Variants in ANXA8 observed in about 807,000 individuals in gnomAD.
The protein encoded by ANXA8 is VAC-beta.
In ANXA8, 9 loss-of-function variants were observed where a neutral mutation model predicts 26.8. That is an observed-to-expected ratio of 0.34 (90% confidence interval 0.20 to 0.59). The LOEUF (loss-of-function observed/expected upper bound fraction) is 0.59. Among genes scored for constraint, ANXA8 ranks in the 20% least tolerant of loss-of-function variants. The probability of loss-of-function intolerance (pLI) is 0.84; values close to 1 mark genes in which losing one functional copy is unlikely to be tolerated. For missense variants in ANXA8, 83 were observed against 238.5 expected (o/e 0.35, Z 4.29); for synonymous variants, 39 against 94.8 (o/e 0.41, Z 3.42).
At chr10:47,953,409 T>C in the ANXA8 span, among the ~76,000 whole-genome samples, 1 of 150,754 alleles carries the variant, frequency 6.6e-6, no homozygotes, top group Non-Finnish European at 1.5e-5. Context: ...AACTTAAAGA[T>C]CAACAATTCT....
chr10:47,767,751 T>C, the ANXA8 span, among the ~76,000 whole-genome samples: 2 of 151,712 alleles, frequency 1.3e-5, no homozygotes, highest in African/African-American at 4.9e-5. Context: ...ACTGGAATTT[T>C]ATGGGATGTA....
chr10:47,985,803 T>C, the ANXA8 span: 431 of 150,758 alleles, frequency 2.9e-3, no homozygotes, highest in African/African-American at 0.01. Context: ...GATTTTTAAA[T>C]CACAGATTCA....
At chr10:47,566,585 C>T in the ANXA8 span, among the ~76,000 whole-genome samples, 1 of 146,726 alleles carries the variant, frequency 6.8e-6, no homozygotes, top group Non-Finnish European at 1.5e-5. Flanking sequence ...GAGGGCACCC[C>T]GCTGCCCGTT....
the ANXA8 span, among the ~76,000 whole-genome samples, chr10:47,943,318 T>G: frequency 6.9e-6 from 1 of 145,196 alleles, no homozygotes; most frequent in Non-Finnish European, 1.5e-5. Context: ...TCCTCCACAC[T>G]TGATGACCAG....
chr10:47,576,493 C>T, the ANXA8 span, among the ~76,000 whole-genome samples: 3 of 120,884 alleles, frequency 2.5e-5, no homozygotes, highest in South Asian at 2.6e-4. Flanking sequence ...CTCGCTCTGT[C>T]GTCCAGATTG....
chr10:47,674,252 T>C, the ANXA8 span, among the ~76,000 whole-genome samples: 1 of 150,456 alleles, frequency 6.6e-6, no homozygotes. Flanking sequence ...CCTCCTTAGC[T>C]TCCTGAGTAG....
the ANXA8 span, among the ~76,000 whole-genome samples, chr10:47,552,324 T>C: frequency 3.6e-3 from 538 of 149,590 alleles, no homozygotes; most frequent in African/African-American, 0.013. Context: ...AAATGAATTC[T>C]TAATTAATTT....
chr10:47,941,646 G>GA, the ANXA8 span, among the ~76,000 whole-genome samples: 8,541 of 140,390 alleles, frequency 0.061, 741 homozygotes, highest in African/African-American at 0.09. Context: ...CTCAAAAAAA[G>GA]AAAAAAAAAA....
At chr10:47,701,238 A>G in the ANXA8 span, among the ~76,000 whole-genome samples, 1 of 151,070 alleles carries the variant, frequency 6.6e-6, no homozygotes. Context: ...CGCAACTGTG[A>G]GGTAATGTGC....
the ANXA8 span, among the ~76,000 whole-genome samples, chr10:47,646,593 C>A: frequency 1.3e-5 from 2 of 150,378 alleles, no homozygotes; most frequent in Middle Eastern, 3.4e-3. Flanking sequence ...TAAAGACCAA[C>A]ATTTTTACAA....
chr10:47,560,337 G>A, the ANXA8 span, among the ~76,000 whole-genome samples: 2 of 151,852 alleles, frequency 1.3e-5, no homozygotes, highest in African/African-American at 4.8e-5. Flanking sequence ...TAAAAATAAT[G>A]TAGTGATGAC....
At chr10:47,714,481 G>C in the ANXA8 span, among the ~76,000 whole-genome samples, 2 of 87,846 alleles carry the variant, frequency 2.3e-5, no homozygotes, top group Non-Finnish European at 4.2e-5. Context: ...TTTTATTATA[G>C]TTTTGAAGTT....
chr10:47,776,552 G>A, the ANXA8 span, among the ~76,000 whole-genome samples: 60 of 152,028 alleles, frequency 3.9e-4, no homozygotes, highest in South Asian at 8.3e-3. Flanking sequence ...TGGCTTCATC[G>A]CCACATTCCC....
chr10:47,558,110 T>A, the ANXA8 span, among the ~76,000 whole-genome samples: 1 of 151,944 alleles, frequency 6.6e-6, no homozygotes, highest in Non-Finnish European at 1.5e-5. Flanking sequence ...TGGAAACATC[T>A]GGATACCAGT....
At chr10:47,469,019 C>T (rs1392357363) in intron 11 of ANXA8, 113 bp from the exon 12 acceptor site, 12 of 1,437,170 alleles carry the variant, frequency 8.3e-6, no homozygotes, top group Middle Eastern at 4.9e-4. Flanking sequence ...CCTGGCCCGG[C>T]CCTCCAGGGT....
Position 47,474,876 on chromosome 10 carries a change from C to T in ANXA8, c.552+69G>A, listed in dbSNP as rs1259305651. 1.9e-5 allele frequency: 29 copies of T among 1,515,226 alleles called. 1 individual carries two copies. The highest frequency in any genetic ancestry group is 7.2e-5 in the African/African-American group (5 of 69,122). The allele number at this position is 1,515,226 out of a possible 1,614,324, so 93.9% of individuals were successfully genotyped here. On this transcript the variant is annotated intron_variant, in intron 7 of 11. Coordinates refer to ENST00000585281, the MANE Select transcript of ANXA8 (RefSeq NM_001040084.3). ...CCAGCCCAGTGTCAGAGAAAGCCCC[C>T]GTGGGCAGAGGAGCCGGAGTCCAGA...
the ANXA8 span, among the ~76,000 whole-genome samples, chr10:47,979,102 A>G: frequency 6.6e-6 from 1 of 151,132 alleles, no homozygotes; most frequent in Non-Finnish European, 1.5e-5. Context: ...ATAATTGTAA[A>G]AGTTTCAATC....
chr10:47,686,115 G>A, the ANXA8 span, among the ~76,000 whole-genome samples: 2 of 151,538 alleles, frequency 1.3e-5, no homozygotes, highest in Non-Finnish European at 2.9e-5. Context: ...AGTCCTAAGA[G>A]CCTACGAAAA....
chr10:47,678,634 T>C, the ANXA8 span, among the ~76,000 whole-genome samples: 2 of 151,864 alleles, frequency 1.3e-5, no homozygotes, highest in Non-Finnish European at 2.9e-5. Context: ...AAAAAAATAC[T>C]AGAACAAAGT....
Sources: allele counts gnomAD v4.1 joint callset (sites outside exome capture counted in the v4.1 genomes callset), GRCh38; gene constraint gnomAD v4.1.1; transcripts MANE v1.5; gene names NCBI Gene and HGNC (gene_info 2026-07-23, HGNC 2026-07-21).